MORN4: variants seen among roughly 807,000 people sequenced by gnomAD.
The protein encoded by MORN4 is MORN repeat-containing protein 4.
A neutral mutation model predicts 16.4 loss-of-function variants in MORN4; 8 were observed. The observed-to-expected ratio is 0.49, with a 90% CI of 0.29 to 0.88. MORN4 has a LOEUF of 0.88. MORN4 is among the 40% of genes least tolerant of loss of function. The pLI is 0.09. For synonymous variants in MORN4, 53 were observed against 68.9 expected (o/e 0.77, Z 1.14); for missense variants, 159 against 182.9 (o/e 0.87, Z 0.75).
At chr10:97,633,982 C>A (rs1396178916), upstream of MORN4, among the ~76,000 whole-genome samples, 1 of 152,176 alleles carries the variant, frequency 6.6e-6, no homozygotes, top group African/African-American at 2.4e-5. This position sits in a 1 kb window ranked among gnomAD's most constrained non-coding sequence, Gnocchi z 4.5. Context: ...TTATCTAGAT[C>A]CTTTTTGTTT....
At chr10:97,627,448 A>G (rs1460215199) in intron 1 of MORN4, among the ~76,000 whole-genome samples, 1 of 152,144 alleles carries the variant, frequency 6.6e-6, no homozygotes, top group African/African-American at 2.4e-5. Context: ...CAGCCAGAAC[A>G]TAATGATTTT....
rs912123446 is a variant in MORN4 at position 97,615,073 on chromosome 10, G to A, written c.*1190C>T. The A allele has an allele frequency of 3.9e-5, 6 of 152,506 alleles. No individual in the cohort carries two copies. Among genetic ancestry groups the A allele is most frequent in the African/African-American group, 1.4e-4 (6 of 41,412 alleles). 9.4% of individuals were successfully genotyped at this position (152,506 alleles called of 1,614,324 possible). On this transcript the variant is annotated 3_prime_UTR_variant, in exon 5 of 5. Coordinates refer to ENST00000307450, the MANE Select transcript of MORN4 (RefSeq NM_178832.4). ...TTTTTTTCTTGATTGTCCCAAAAAG[G>A]GATCCTGTTCCCCATCTAAGGAAGG...
At position 97,620,488 on chromosome 10, in the gene MORN4, C is replaced by CAAAAA. The variant is rs1210683127; in HGVS notation, c.-30-810_-30-806dup. Among the ~76,000 whole-genome samples, 61 of 41,144 alleles carry CAAAAA rather than the reference C, an allele frequency of 1.5e-3. 1 individual carries two copies. Among genetic ancestry groups the CAAAAA allele is most frequent in the African/African-American group, 4.8e-3 (47 of 9,828 alleles). The allele number at this position is 41,144 out of a possible 152,430, so 27.0% of individuals were successfully genotyped here. On this transcript the variant is annotated intron_variant, in intron 1 of 4. Transcript: ENST00000307450. ...TGGGTGACGGAGCAAGACTCTGTCT[C>CAAAAA]AAAAAAAAAAAAAAAAAAAGAAAAA...
At chr10:97,624,026 G>A (rs193170297) in intron 1 of MORN4, among the ~76,000 whole-genome samples, 44 of 152,020 alleles carry the variant, frequency 2.9e-4, no homozygotes, top group South Asian at 6.2e-4. Flanking sequence ...ATGAGCCACC[G>A]TGCCTGGCCG....
intron 2 of MORN4, chr10:97,619,271 G>A (rs2041267138): frequency 2.3e-6 from 1 of 437,056 alleles, no homozygotes; most frequent in Non-Finnish European, 4.1e-6. Flanking sequence ...GTTGCAGTGA[G>A]CTGAGATTGC....
intron 1 of MORN4, among the ~76,000 whole-genome samples, chr10:97,632,328 C>T (rs2041404020): frequency 6.8e-6 from 1 of 146,642 alleles, no homozygotes; most frequent in Non-Finnish European, 1.5e-5. Flanking sequence ...AAGCAATTCT[C>T]CTGCCTCAGC....
At chr10:97,623,611 T>C (rs775900903) in intron 1 of MORN4, among the ~76,000 whole-genome samples, 51 of 152,260 alleles carry the variant, frequency 3.3e-4, no homozygotes, top group Non-Finnish European at 6.3e-4. Flanking sequence ...TCTCATTATG[T>C]TACCCAGGCT....
At chr10:97,617,814 C>T (rs2041250085) in intron 2 of MORN4, among the ~76,000 whole-genome samples, 1 of 151,824 alleles carries the variant, frequency 6.6e-6, no homozygotes, top group Non-Finnish European at 1.5e-5. Flanking sequence ...GAGCTGAGAT[C>T]GCGCCACTGC....
chr10:97,616,865 C>T (rs913178629), intron 3 of MORN4, 78 bp from the exon 4 acceptor site: 16 of 1,011,856 alleles, frequency 1.6e-5, no homozygotes, highest in Admixed American at 1.2e-4. Context: ...CTGCTGATCT[C>T]TGTTATTTAA....
chr10:97,621,586 A>T (rs1482356271), intron 1 of MORN4, among the ~76,000 whole-genome samples: 1 of 152,220 alleles, frequency 6.6e-6, no homozygotes, highest in Non-Finnish European at 1.5e-5. Context: ...CCTCCCATTA[A>T]GAGGCAGAGT....
At chr10:97,633,595 C>T (rs1047679085), upstream of MORN4, 3 of 1,289,420 alleles carry the variant, frequency 2.3e-6, no homozygotes, top group South Asian at 2.5e-5. This position sits in a 1 kb window ranked among gnomAD's most constrained non-coding sequence, Gnocchi z 4.5. Context: ...CATCTTTGTG[C>T]GGGGCCGAGT....
In MORN4 at chr10:97,616,096, A is replaced by T; in HGVS notation, c.*167T>A. On this transcript the variant is annotated 3_prime_UTR_variant, in exon 5 of 5. Coordinates refer to ENST00000307450, the MANE Select transcript of MORN4 (RefSeq NM_178832.4). ...GGGTCTGCTGGCCAGCATCCTCAGCACTTTTCTGTGGTCCAGTTCTGGAAT... is the reference window on the plus strand; with the variant it reads ...GGGTCTGCTGGCCAGCATCCTCAGCTCTTTTCTGTGGTCCAGTTCTGGAAT... 1 of 617,834 alleles carries T rather than the reference A, an allele frequency of 1.6e-6. No individual in the cohort carries two copies. The allele number at this position is 617,834 out of a possible 1,614,324, so 38.3% of individuals were successfully genotyped here.
intron 1 of MORN4, among the ~76,000 whole-genome samples, chr10:97,628,823 C>T (rs1251710774): frequency 1.3e-5 from 2 of 152,190 alleles, no homozygotes; most frequent in African/African-American, 2.4e-5. Context: ...TGAGCCACCA[C>T]GCCCAGCCCC....
chr10:97,622,953 T>C (rs1438176895), intron 1 of MORN4, among the ~76,000 whole-genome samples: 1 of 151,712 alleles, frequency 6.6e-6, no homozygotes, highest in African/African-American at 2.4e-5. Flanking sequence ...GGCACGATCA[T>C]AGCTCACTGT....
chr10:97,626,364 G>A (rs924110241), intron 1 of MORN4, among the ~76,000 whole-genome samples: 26 of 145,514 alleles, frequency 1.8e-4, no homozygotes, highest in Admixed American at 1.4e-3. Flanking sequence ...GTGACAGAGC[G>A]AGACTCTGAC....
chr10:97,620,578 G>A (rs1439366269), intron 1 of MORN4, among the ~76,000 whole-genome samples: 11 of 150,912 alleles, frequency 7.3e-5, no homozygotes, highest in South Asian at 4.2e-4. Context: ...ATGTGAACAC[G>A]AGATGTTCCA....
At chr10:97,622,702 A>AAAAC (rs1375281067) in intron 1 of MORN4, among the ~76,000 whole-genome samples, 41 of 151,298 alleles carry the variant, frequency 2.7e-4, no homozygotes, top group African/African-American at 9.2e-4. Context: ...TCAAAAAAAA[A>AAAAC]AAAAAAAACG....
intron 3 of MORN4, 119 bp downstream of exon 3, chr10:97,617,089 C>T: frequency 1.2e-6 from 1 of 805,548 alleles, no homozygotes; most frequent in Non-Finnish European, 2.1e-6. Context: ...ACTTATTACT[C>T]ATCTGTGTTC....
intron 2 of MORN4, among the ~76,000 whole-genome samples, chr10:97,618,668 T>G (rs1338087706): frequency 6.6e-6 from 1 of 152,184 alleles, no homozygotes; most frequent in Non-Finnish European, 1.5e-5. Context: ...CTTGCTCTGT[T>G]TTCTGGTCAG....
Sources: allele counts gnomAD v4.1 joint callset (sites outside exome capture counted in the v4.1 genomes callset), GRCh38; gene constraint gnomAD v4.1.1; non-coding constraint Gnocchi (gnomAD v3.1); transcripts MANE v1.5; gene names NCBI Gene and HGNC (gene_info 2026-07-23, HGNC 2026-07-21).